CTBP1: variants seen among roughly 807,000 people sequenced by gnomAD.
CTBP1 encodes C-terminal binding protein 1, also known as C-terminal-binding protein 1.
CTBP1 carries 11 observed loss-of-function variants against 42.1 expected under a neutral mutation model. That is an observed-to-expected ratio of 0.26 (90% CI 0.16 to 0.43). CTBP1 has a LOEUF of 0.43. Ranked by LOEUF, CTBP1 falls within the 20% of genes least tolerant of loss-of-function variation. The probability of loss-of-function intolerance (pLI) is 1.00; values close to 1 mark genes in which losing one functional copy is unlikely to be tolerated. For missense variants in CTBP1, 399 were observed against 624.3 expected, an observed-to-expected ratio of 0.64 and a Z score of 3.85; for synonymous variants, 324 against 277.1, an observed-to-expected ratio of 1.17 and a Z score of -1.68.
intron 1 of CTBP1, chr4:1,242,263 G>C (rs560389652): frequency 6.1e-6 from 6 of 985,238 alleles, no homozygotes; most frequent in East Asian, 2.3e-4. Context: ...CCCAGCCCTC[G>C]GGAGGGTGTC....
rs1016058599 is a variant in CTBP1 at position 1,233,016 on chromosome 4, G to A, written c.163-4673C>T. 6.5e-6 allele frequency: 1 copy of A among 152,726 alleles called. No homozygotes were observed. Among genetic ancestry groups the A allele is most frequent in the Non-Finnish European group, 1.5e-5 (1 of 68,496 alleles). The allele number at this position is 152,726 out of a possible 1,614,324, so 9.5% of individuals were successfully genotyped here. ...TCTAGACCTGAGAGGGGGTCCTGGGGTCTGGACATGCCCTGCGGGGGTCGC... is the reference window on the plus strand; with the variant it reads ...TCTAGACCTGAGAGGGGGTCCTGGGATCTGGACATGCCCTGCGGGGGTCGC... On this transcript the variant is annotated intron_variant, in intron 3 of 9. Coordinates refer to ENST00000382952, the MANE Select transcript of CTBP1 (RefSeq NM_001012614.2). This position sits in a 1 kb window ranked among gnomAD's most constrained non-coding sequence, Gnocchi z 4.6.
At chr4:1,244,629 A>G (rs1269268923) in intron 1 of CTBP1, 2 of 985,116 alleles carry the variant, frequency 2.0e-6, no homozygotes, top group African/African-American at 3.5e-5. Flanking sequence ...CAGCCCCTAA[A>G]GCCGCTGCCC....
At chr4:1,223,199 A>C (rs1729944382) in intron 5 of CTBP1, among the ~76,000 whole-genome samples, 1 of 149,540 alleles carries the variant, frequency 6.7e-6, no homozygotes. Context: ...TCCTCCCCTC[A>C]ACAAACCACA....
At chr4:1,246,287 C>A (rs1732716005) in intron 1 of CTBP1, among the ~76,000 whole-genome samples, 1 of 152,146 alleles carries the variant, frequency 6.6e-6, no homozygotes. Context: ...ACCCGGCGCT[C>A]CGACCAGCGT....
rs375089554 is a variant in CTBP1 at position 1,212,217 on chromosome 4, G to A, written c.*23C>T. The A allele has an allele frequency of 4.2e-5, 60 of 1,420,068 alleles. No homozygotes were observed. In the Admixed American group the frequency reaches 6.2e-4, roughly 15 times the overall value. The allele number at this position is 1,420,068 out of a possible 1,614,324, so 88.0% of individuals were successfully genotyped here. The stretch of plus-strand genomic sequence containing the variant: ...TTTCCGGGCCCTCTGCCCAGGCGCC[G>A]AGGCTGGAGAGCTCCTCCCGGGCTA... On this transcript the variant is annotated 3_prime_UTR_variant, in exon 10 of 10. Coordinates refer to ENST00000382952, the MANE Select transcript of CTBP1 (RefSeq NM_001012614.2).
rs747567252 is a variant in CTBP1 at position 1,214,444 on chromosome 4, T to C, written c.759A>G (p.Thr253=). 8.8e-6 allele frequency: 14 copies of C among 1,589,600 alleles called. No individual in the cohort carries two copies. The highest frequency in any genetic ancestry group is 9.4e-6 in the Non-Finnish European group (11 of 1,170,230). Residue 253 remains threonine, a synonymous_variant, in exon 7 of 10, where the codon ACA becomes ACG. Transcript: ENST00000382952. ...QMRQGAFLVN[T]ARGGLVDEKA... ...TCTCATCCACCAGGCCACCCCGGGC[T>C]GTGTTCACCAGGAAGGCCCCTTGTC...
At position 1,213,464 on chromosome 4, in the gene CTBP1, GC is replaced by G. The variant is rs1488580010; in HGVS notation, c.988+13del. ...AGGGACCCCCAGGCCTGACCGAGCG[GC>G]CCCCACGCCCACCTGTGATGGCTCT... On this transcript the variant is annotated intron_variant, in intron 8 of 9. Transcript: ENST00000382952. 1.2e-6 allele frequency: 2 copies of G among 1,608,370 alleles called. No individual in the cohort carries two copies. Among genetic ancestry groups the G allele is most frequent in the Non-Finnish European group, 1.7e-6 (2 of 1,179,752 alleles).
chr4:1,228,375 G>A (rs754886352), intron 3 of CTBP1, 32 bp from the exon 4 acceptor site: 2 of 1,604,502 alleles, frequency 1.2e-6, no homozygotes, highest in South Asian at 2.2e-5. Context: ...GCTCAGCCCG[G>A]AACCTGAAGA....
intron 3 of CTBP1, chr4:1,237,235 G>C (rs562579752): frequency 1.7e-4 from 115 of 669,030 alleles, no homozygotes; most frequent in East Asian, 5.5e-4. Flanking sequence ...TCCACCTCCT[G>C]ATGGGGCTCA....
rs575056081 is a variant in CTBP1 at position 1,247,349 on chromosome 4, T to G, written c.-189+1567A>C. On this transcript the variant is annotated intron_variant, in intron 1 of 9. Transcript: ENST00000382952. The stretch of plus-strand genomic sequence containing the variant: ...CAGAGGACGCCTGTATGGAAGCAGG[T>G]GCTCAAAGATGGGCAACAGAATCAC... Among the ~76,000 whole-genome samples, 12 of 151,992 alleles carry G rather than the reference T, an allele frequency of 7.9e-5. No homozygotes were observed. In the South Asian group the frequency reaches 1.7e-3, roughly 21 times the overall value.
rs1019998811 is a variant in CTBP1, at chr4:1,212,228, G to A, written c.*12C>T. On this transcript the variant is annotated 3_prime_UTR_variant, in exon 10 of 10. Coordinates refer to ENST00000382952, the MANE Select transcript of CTBP1 (RefSeq NM_001012614.2). ...TCTGCCCAGGCGCCGAGGCTGGAGA[G>A]CTCCTCCCGGGCTACAACTGGTCAC... The A allele has an allele frequency of 9.7e-6, 14 of 1,444,492 alleles. No homozygotes were observed. The highest frequency in any genetic ancestry group is 4.5e-5 in the African/African-American group (3 of 67,298). The allele number at this position is 1,444,492 out of a possible 1,614,324, so 89.5% of individuals were successfully genotyped here.
chr4:1,227,919 CAAGCAAGGGGCA>C (rs1013127444), intron 4 of CTBP1, among the ~76,000 whole-genome samples: 3 of 152,328 alleles, frequency 2.0e-5, no homozygotes, highest in East Asian at 3.9e-4. Context: ...TCCCAGTACC[CAAGCAAGGGGCA>C]CCAGCCAGAC....
intron 1 of CTBP1, chr4:1,244,022 A>G (rs1438382461): frequency 5.1e-6 from 5 of 985,286 alleles, no homozygotes; most frequent in Non-Finnish European, 6.0e-6. Context: ...TAAAACAAAA[A>G]CTGATTTTAA....
intron 4 of CTBP1, among the ~76,000 whole-genome samples, chr4:1,226,329 T>G (rs1207251626): frequency 6.6e-6 from 1 of 152,000 alleles, no homozygotes; most frequent in Non-Finnish European, 1.5e-5. Context: ...TGTGTCCGAC[T>G]GGCCATCCGT....
In CTBP1 at chr4:1,248,876, CCCCGCCCGCGGCCGGAAACG is replaced by C; in HGVS notation, c.-189+20_-189+39del. On this transcript the variant is annotated intron_variant, in intron 1 of 9. Coordinates refer to ENST00000382952, the MANE Select transcript of CTBP1 (RefSeq NM_001012614.2). ...CCGCGCGGCACCCGCCCCGCCCCGCCCCCGCCCGCGGCCGGAAACGCGCGCGCGCGCGGCCTTACCAAGCG... is the reference window on the plus strand; with the variant it reads ...CCGCGCGGCACCCGCCCCGCCCCGCCCGCGCGCGCGCGGCCTTACCAAGCG... The C allele has an allele frequency of 1.0e-6, 1 of 959,798 alleles. No individual in the cohort carries two copies. The highest frequency in any genetic ancestry group is 1.2e-6 in the Non-Finnish European group (1 of 810,744). The allele number at this position is 959,798 out of a possible 1,614,324, so 59.5% of individuals were successfully genotyped here. A position where few individuals can be genotyped will look rare whatever the true frequency, so the allele number is the denominator to read the frequency against.
At chr4:1,236,404 G>T in intron 3 of CTBP1, 2 of 548,494 alleles carry the variant, frequency 3.6e-6, no homozygotes, top group Non-Finnish European at 6.5e-6. Flanking sequence ...GACCGCCCGT[G>T]TGAAGACCGC....
chr4:1,228,472 G>T, intron 3 of CTBP1, 129 bp from the exon 4 acceptor site: 1 of 1,169,416 alleles, frequency 8.6e-7, no homozygotes, highest in South Asian at 1.5e-5. Flanking sequence ...GCACCAGCCC[G>T]GACACTGGGA....
chr4:1,247,189 C>T (rs1732802008), intron 1 of CTBP1, among the ~76,000 whole-genome samples: 1 of 152,218 alleles, frequency 6.6e-6, no homozygotes, highest in Non-Finnish European at 1.5e-5. Context: ...CTAACAGCTG[C>T]CCTGGTCAAG....
At chr4:1,236,318 T>C in intron 3 of CTBP1, 1 of 384,844 alleles carries the variant, frequency 2.6e-6, no homozygotes. Context: ...GTGGGTCTCC[T>C]GAGCAAACAA....
Sources: allele counts gnomAD v4.1 joint callset (sites outside exome capture counted in the v4.1 genomes callset), GRCh38; gene constraint gnomAD v4.1.1; non-coding constraint Gnocchi (gnomAD v3.1); transcripts MANE v1.5; gene names NCBI Gene and HGNC (gene_info 2026-07-23, HGNC 2026-07-21).